Variants in FHIT observed in about 807,000 individuals in gnomAD.
FHIT encodes bis(5'-adenosyl)-triphosphatase.
A neutral mutation model predicts 17.9 loss-of-function variants in FHIT; 19 were observed. The observed-to-expected ratio is 1.06, with a 90% CI of 0.74 to 1.56. FHIT has a LOEUF of 1.56. Ranked by LOEUF, FHIT falls within the 40% of genes most tolerant of loss-of-function variation. The pLI is 0.00. For synonymous variants in FHIT, 81 were observed against 69.7 expected (o/e 1.16, Z -0.81); for missense variants, 248 against 189.2 (o/e 1.31, Z -1.82).
At position 59,871,582 on chromosome 3, in the gene FHIT, C is replaced by T. The variant is rs142298094; in HGVS notation, c.348+50764G>A. ...GTTTTACAGGCTAGCAGGAATAACA[C>T]CAAAGTTTCATTTTATTTGCCCACT... is the stretch of plus-strand genomic sequence containing the variant. On this transcript the variant is annotated intron_variant, in intron 8 of 9. Coordinates refer to ENST00000492590, the MANE Select transcript of FHIT (RefSeq NM_002012.4). 1.2e-3 allele frequency among the ~76,000 whole-genome samples: 179 copies of T among 152,218 alleles called. 1 individual carries two copies. The highest frequency in any genetic ancestry group is 4.0e-3 in the African/African-American group (168 of 41,524).
intron 8 of FHIT, among the ~76,000 whole-genome samples, chr3:59,911,016 A>T (rs1559722464): frequency 6.6e-6 from 1 of 152,210 alleles, no homozygotes; most frequent in Non-Finnish European, 1.5e-5. Context: ...GGTATACTAC[A>T]GTTTTTGAAA....
At chr3:60,086,991 C>G (rs547727441) in intron 5 of FHIT, among the ~76,000 whole-genome samples, 5 of 152,218 alleles carry the variant, frequency 3.3e-5, no homozygotes, top group Non-Finnish European at 7.3e-5. Flanking sequence ...TTTCAGAGAT[C>G]TATGAGTCAT....
In FHIT at chr3:60,321,680, T is replaced by G. The variant is rs1709439960; in HGVS notation, c.103+215180A>C. 3.9e-5 allele frequency among the ~76,000 whole-genome samples: 6 copies of G among 152,354 alleles called. No homozygotes were observed. The Middle Eastern group carries it at 0.017, about 432-fold the overall frequency. On this transcript the variant is annotated intron_variant, in intron 5 of 9. Transcript: ENST00000492590. The stretch of plus-strand genomic sequence containing the variant: ...AAATATGATTTCTGTCTCAGTCTAT[T>G]GAAGCTGCTCTATCAAAATGCCTTA...
chr3:60,215,629 C>A lies in FHIT; in HGVS notation c.104-201477G>T, dbSNP rs544594823. 2.0e-5 allele frequency among the ~76,000 whole-genome samples: 3 copies of A among 152,164 alleles called. No individual in the cohort carries two copies. The East Asian group carries it at 5.8e-4, about 29-fold the overall frequency. ...AAATGTGGATAGAAGAAATATCTAC[C>A]TATGCCTCTGTTGAAATATCAATGA... On this transcript the variant is annotated intron_variant, in intron 5 of 9. Transcript: ENST00000492590.
At chr3:59,784,778 A>T (rs1190170808) in intron 8 of FHIT, among the ~76,000 whole-genome samples, 1 of 152,162 alleles carries the variant, frequency 6.6e-6, no homozygotes, top group Non-Finnish European at 1.5e-5. Context: ...TCAGGCTCCA[A>T]CATAGAATCT....
At chr3:60,276,115 G>A (rs747618123) in intron 5 of FHIT, among the ~76,000 whole-genome samples, 2 of 151,852 alleles carry the variant, frequency 1.3e-5, no homozygotes, top group Non-Finnish European at 2.9e-5. Context: ...AGCCTCCTGA[G>A]TAGCCGGGAC....
intron 5 of FHIT, among the ~76,000 whole-genome samples, chr3:60,181,590 C>T (rs1262582244): frequency 6.6e-6 from 1 of 152,158 alleles, no homozygotes; most frequent in Non-Finnish European, 1.5e-5. Context: ...CTGGCATCAA[C>T]AGAAGACCAG....
chr3:60,825,170 A>T (rs1171186471), intron 3 of FHIT, among the ~76,000 whole-genome samples: 2 of 152,210 alleles, frequency 1.3e-5, no homozygotes, highest in African/African-American at 4.8e-5. Flanking sequence ...GTGACAGTAC[A>T]CATATGCCAC....
chr3:60,524,525 T>C (rs1189325187), intron 5 of FHIT, among the ~76,000 whole-genome samples: 2 of 152,276 alleles, frequency 1.3e-5, no homozygotes, highest in Admixed American at 6.5e-5. Context: ...TGAGCGAATG[T>C]GGGGAGCTTT....
intron 5 of FHIT, among the ~76,000 whole-genome samples, chr3:60,506,533 TCTC>T (rs553314895): frequency 2.0e-5 from 3 of 152,214 alleles, no homozygotes; most frequent in Non-Finnish European, 2.9e-5. Flanking sequence ...ATTCTCCTCT[TCTC>T]CTACATCGTG....
chr3:60,075,173 A>C (rs1282595690), intron 5 of FHIT, among the ~76,000 whole-genome samples: 1 of 152,246 alleles, frequency 6.6e-6, no homozygotes, highest in East Asian at 1.9e-4. Context: ...ATTTTAAACT[A>C]GAGCTGCTGG....
chr3:60,107,246 G>A (rs115870622), intron 5 of FHIT, among the ~76,000 whole-genome samples: 2,136 of 137,506 alleles, frequency 0.016, 51 homozygotes, highest in African/African-American at 0.056. Flanking sequence ...ATAAAACTTT[G>A]CAGTAAACTA....
chr3:61,212,049 G>A (rs1302108776), intron 1 of FHIT, among the ~76,000 whole-genome samples: 1 of 152,096 alleles, frequency 6.6e-6, no homozygotes, highest in African/African-American at 2.4e-5. Context: ...CACAAAGATG[G>A]GAAAAAACAG....
intron 7 of FHIT, among the ~76,000 whole-genome samples, chr3:59,978,308 G>C (rs540013689): frequency 6.6e-6 from 1 of 152,118 alleles, no homozygotes; most frequent in African/African-American, 2.4e-5. Context: ...CGTGCTGAGA[G>C]GGCCACCTTA....
chr3:60,626,887 G>A (rs1183108759), intron 4 of FHIT, among the ~76,000 whole-genome samples: 4 of 147,700 alleles, frequency 2.7e-5, no homozygotes, highest in Non-Finnish European at 5.9e-5. Flanking sequence ...ATTTCCTTGA[G>A]TGTTTTTATC....
At chr3:59,963,026 C>T (rs373394531) in intron 7 of FHIT, among the ~76,000 whole-genome samples, 1 of 152,098 alleles carries the variant, frequency 6.6e-6, no homozygotes, top group Non-Finnish European at 1.5e-5. Flanking sequence ...GAGGCCAAAG[C>T]GGGCAGATCA....
rs869203310 is a variant in FHIT at position 60,418,376 on chromosome 3, GTA to G, written c.103+118482_103+118483del. ...CCTATATATATGTATCTGAATGTGTGTATATATATATATATATATATATATAT... is the reference window on the plus strand; with the variant it reads ...CCTATATATATGTATCTGAATGTGTGTATATATATATATATATATATATAT... On this transcript the variant is annotated intron_variant, in intron 5 of 9. Coordinates refer to ENST00000492590, the MANE Select transcript of FHIT (RefSeq NM_002012.4). 9.9e-3 allele frequency among the ~76,000 whole-genome samples: 148 copies of G among 14,906 alleles called. 1 individual carries two copies. The highest frequency in any genetic ancestry group is 0.029 in the African/African-American group (138 of 4,796). 9.8% of individuals were successfully genotyped at this position (14,906 alleles called of 152,430 possible). A position where few individuals can be genotyped will look rare whatever the true frequency, so the allele number is the denominator to read the frequency against.
At chr3:61,123,519 C>G (rs1275794421) in intron 2 of FHIT, among the ~76,000 whole-genome samples, 1 of 150,096 alleles carries the variant, frequency 6.7e-6, no homozygotes, top group Non-Finnish European at 1.5e-5. Context: ...AGGAGAAGAA[C>G]AAAAAAAGGT....
At chr3:59,776,963 C>T (rs1702351459) in intron 8 of FHIT, among the ~76,000 whole-genome samples, 1 of 152,114 alleles carries the variant, frequency 6.6e-6, no homozygotes, top group Non-Finnish European at 1.5e-5. Context: ...CATGCCCTCC[C>T]ACCACACATG....
Sources: gnomAD v4.1 joint callset for allele counts (sites outside exome capture counted in the v4.1 genomes callset) on GRCh38, gnomAD v4.1.1 for gene constraint, MANE v1.5 for transcripts, NCBI Gene and HGNC (gene_info 2026-07-23, HGNC 2026-07-21) for gene names.